Variants in CRYBA4 observed in about 807,000 individuals in gnomAD.
CRYBA4 encodes beta-crystallin A4.
A neutral mutation model predicts 31.7 loss-of-function variants in CRYBA4; 30 were observed. The observed-to-expected ratio is 0.95, with a 90% confidence interval of 0.71 to 1.28. The LOEUF is 1.28. CRYBA4 is among the 50% of genes most tolerant of loss of function. The probability of loss-of-function intolerance (pLI) is 0.00; values close to 1 mark genes in which losing one functional copy is unlikely to be tolerated. For synonymous variants in CRYBA4, 102 were observed against 102.3 expected (o/e 1.00, Z 0.02); for missense variants, 225 against 260.7 (o/e 0.86, Z 0.94).
chr22:26,590,340 A>T, the CRYBA4 span, among the ~76,000 whole-genome samples: 110 of 152,202 alleles, frequency 7.2e-4, 1 homozygote, highest in African/African-American at 2.6e-3. Flanking sequence ...TACCCCTAGG[A>T]CGGGCAGCTC....
chr22:26,612,593 T>C, the CRYBA4 span, among the ~76,000 whole-genome samples: 1 of 152,224 alleles, frequency 6.6e-6, no homozygotes, highest in Non-Finnish European at 1.5e-5. Context: ...GCTCAAATGA[T>C]TGGCCTGCCT....
chr22:26,627,428 T>C (rs1389033478), intron 4 of CRYBA4, among the ~76,000 whole-genome samples: 68 of 102,258 alleles, frequency 6.6e-4, no homozygotes, highest in Non-Finnish European at 9.5e-4. Context: ...TTCTTTCTTT[T>C]TCTTTCTTTC....
the CRYBA4 span, among the ~76,000 whole-genome samples, chr22:26,597,778 TA>T: frequency 6.6e-6 from 1 of 152,252 alleles, no homozygotes; most frequent in Non-Finnish European, 1.5e-5. Flanking sequence ...CTGAATCAGA[TA>T]CAAGAAAACG....
chr22:26,624,336 C>G (rs1929638304), intron 3 of CRYBA4, among the ~76,000 whole-genome samples: 2 of 150,894 alleles, frequency 1.3e-5, no homozygotes, highest in African/African-American at 4.9e-5. Flanking sequence ...ATAGAAGGTT[C>G]TAGAAGGTTG....
chr22:26,617,552 T>G (rs1169687387), upstream of CRYBA4, among the ~76,000 whole-genome samples: 1 of 152,124 alleles, frequency 6.6e-6, no homozygotes, highest in Admixed American at 6.5e-5. Context: ...GCTGGACTCA[T>G]GCCTTCCTGG....
chr22:26,612,179 G>A, the CRYBA4 span: 15 of 1,612,944 alleles, frequency 9.3e-6, no homozygotes, highest in Admixed American at 1.0e-4. Context: ...TTTCCAGTTC[G>A]AAGACCACCA....
At chr22:26,612,821 CT>C in the CRYBA4 span, among the ~76,000 whole-genome samples, 2 of 152,168 alleles carry the variant, frequency 1.3e-5, no homozygotes, top group African/African-American at 4.8e-5. Context: ...CGCATTCCAG[CT>C]CGTTATTCTG....
chr22:26,619,519 G>T (rs1057287656), upstream of CRYBA4, among the ~76,000 whole-genome samples: 1 of 152,166 alleles, frequency 6.6e-6, no homozygotes, highest in Non-Finnish European at 1.5e-5. Context: ...GGTATATTGC[G>T]GGGGCATCTG....
intron 2 of CRYBA4, 132 bp from the exon 3 acceptor site, chr22:26,623,102 C>A: frequency 2.5e-6 from 2 of 794,860 alleles, no homozygotes; most frequent in South Asian, 1.4e-5. Flanking sequence ...ACTGCTCTTG[C>A]CTTCCTGGCT....
At chr22:26,621,515 G>C (rs1406255976), upstream of CRYBA4, among the ~76,000 whole-genome samples, 1 of 152,248 alleles carries the variant, frequency 6.6e-6, no homozygotes, top group East Asian at 1.9e-4. Context: ...AGGGGAAAGA[G>C]AGAAGGAAAG....
chr22:26,602,825 T>C, the CRYBA4 span, among the ~76,000 whole-genome samples: 1 of 151,856 alleles, frequency 6.6e-6, no homozygotes, highest in African/African-American at 2.4e-5. Flanking sequence ...CAGATCTAGG[T>C]TCAAATCCTG....
upstream of CRYBA4, among the ~76,000 whole-genome samples, chr22:26,621,113 G>A (rs1179908594): frequency 6.6e-6 from 1 of 152,040 alleles, no homozygotes; most frequent in Non-Finnish European, 1.5e-5. Flanking sequence ...CAATTCAGAG[G>A]GCAGGGTTTC....
the CRYBA4 span, among the ~76,000 whole-genome samples, chr22:26,612,388 A>G: frequency 3.9e-5 from 6 of 152,038 alleles, no homozygotes; most frequent in Non-Finnish European, 8.8e-5. Context: ...TGTTTTTCTG[A>G]GTCTCACTCT....
chr22:26,605,943 C>T, the CRYBA4 span, among the ~76,000 whole-genome samples: 6 of 152,148 alleles, frequency 3.9e-5, no homozygotes, highest in African/African-American at 1.4e-4. Context: ...CTGCAGGCCA[C>T]ATGTGGCTCA....
upstream of CRYBA4, among the ~76,000 whole-genome samples, chr22:26,617,098 C>T (rs16982446): frequency 0.034 from 5,200 of 152,124 alleles, 152 homozygotes; most frequent in East Asian, 0.094. Context: ...AAATACAGGC[C>T]GGGGACTGAG....
intron 1 of CRYBA4, 125 bp from the exon 2 acceptor site, chr22:26,622,460 T>C (rs968091141): frequency 2.5e-6 from 2 of 795,106 alleles, no homozygotes; most frequent in South Asian, 1.4e-5. Flanking sequence ...AAGCCATGCA[T>C]TGCCCCTAGC....
chr22:26,594,709 A>C, the CRYBA4 span, among the ~76,000 whole-genome samples: 4 of 152,182 alleles, frequency 2.6e-5, no homozygotes, highest in East Asian at 1.9e-4. Context: ...AACAAAAAAC[A>C]AAAACCAAAA....
At chr22:26,605,740 T>G in the CRYBA4 span, among the ~76,000 whole-genome samples, 1 of 138,652 alleles carries the variant, frequency 7.2e-6, no homozygotes, top group Non-Finnish European at 1.6e-5. Context: ...AAGTAGAAGA[T>G]GGTCAGGTTT....
the CRYBA4 span, among the ~76,000 whole-genome samples, chr22:26,601,379 T>C: frequency 3.9e-5 from 6 of 152,124 alleles, no homozygotes; most frequent in African/African-American, 1.4e-4. Context: ...TGTGTGCCCA[T>C]TGCCTAGCTG....
Sources: gnomAD v4.1 joint callset for allele counts (sites outside exome capture counted in the v4.1 genomes callset) on GRCh38, gnomAD v4.1.1 for gene constraint, MANE v1.5 for transcripts, NCBI Gene and HGNC (gene_info 2026-07-23, HGNC 2026-07-21) for gene names.